The following PPP1R13L variants were observed in gnomAD, a reference collection of about 807,000 sequenced individuals.
The protein encoded by PPP1R13L is relA-associated inhibitor.
A neutral mutation model predicts 80.9 loss-of-function variants in PPP1R13L; 50 were observed. The observed-to-expected ratio is 0.62, with a 90% CI of 0.49 to 0.78. PPP1R13L has a LOEUF of 0.78. PPP1R13L is among the 30% of genes least tolerant of loss of function. The probability of loss-of-function intolerance (pLI) is 0.00; values close to 1 mark genes in which losing one functional copy is unlikely to be tolerated. For missense variants in PPP1R13L, 1,200 were observed against 1,205.9 expected, an observed-to-expected ratio of 1.00 and a Z score of 0.07; for synonymous variants, 602 against 534.3, an observed-to-expected ratio of 1.13 and a Z score of -1.75.
At chr19:45,384,104 G>T (rs1181036604) in intron 11 of PPP1R13L, among the ~76,000 whole-genome samples, 3 of 150,834 alleles carry the variant, frequency 2.0e-5, no homozygotes, top group African/African-American at 7.3e-5. Context: ...TTCAGACAAG[G>T]TCTCACTCTG....
At chr19:45,391,573 C>A (rs142229757) in intron 8 of PPP1R13L, among the ~76,000 whole-genome samples, 1 of 152,340 alleles carries the variant, frequency 6.6e-6, no homozygotes, top group East Asian at 1.9e-4. Context: ...CAGGTTCTGC[C>A]TGAAACAGGA....
rs760022138 is a variant in PPP1R13L at position 45,396,652 on chromosome 19, G to T, written c.605C>A (p.Pro202Gln). 2.0e-6 allele frequency: 3 copies of T among 1,466,622 alleles called. No individual in the cohort carries two copies. The highest frequency in any genetic ancestry group is 5.0e-5 in the Admixed American group (2 of 40,252). 90.9% of individuals were successfully genotyped at this position (1,466,622 alleles called of 1,614,324 possible). A position where few individuals can be genotyped will look rare whatever the true frequency, so the allele number is the denominator to read the frequency against. Residue 202 changes from proline (P) to glutamine (Q), a missense_variant, in exon 4 of 13, where the codon CCG becomes CAG. By Grantham distance (76) the Pro-to-Gln change is moderately conservative (BLOSUM62 -1). Coordinates refer to ENST00000360957, the MANE Select transcript of PPP1R13L (RefSeq NM_006663.4). This position sits in a 1 kb window ranked among gnomAD's most constrained non-coding sequence, Gnocchi z 5.3. The part of the protein sequence containing the change: ...GPQAFFPERG[P>Q]SPRPPATAYD... ...GGCTGTGGCAGGGGGGCGCGGTGAC[G>T]GCCCACGCTCGGGGAAGAAGGCCTG...
At chr19:45,386,319 A>C in intron 8 of PPP1R13L, 139 bp from the exon 9 acceptor site, 1 of 1,112,990 alleles carries the variant, frequency 9.0e-7, no homozygotes, top group Non-Finnish European at 1.2e-6. Context: ...GGATGGGGTG[A>C]GGGGGTGCCT....
chr19:45,395,469 G>A lies in PPP1R13L; in HGVS notation c.1321C>T (p.His441Tyr), dbSNP rs1432699908. 6.6e-7 allele frequency: 1 copy of A among 1,510,394 alleles called. No homozygotes were observed. The highest frequency in any genetic ancestry group is 1.2e-5 in the South Asian group (1 of 82,766). 93.6% of individuals were successfully genotyped at this position (1,510,394 alleles called of 1,614,324 possible). ...ACAGGGGGCCATGTCTGTTGGGGAT[G>A]CTGGGGGGCTGGGGTAGGGGTTTGG... is the stretch of plus-strand genomic sequence containing the variant. ...QPQTPTPAPQ[H>Y]PQQTWPPVNE... The change falls in exon 7 of 13, where the codon CAT becomes TAT. Residue 441 changes from histidine (H) to tyrosine (Y), a missense_variant. His to Tyr is a moderately conservative substitution (Grantham distance 83). Around this residue, in one of 5 missense-constraint regions of PPP1R13L, gnomAD observed 764 missense variants for 714.5 expected, o/e 1.07. Coordinates refer to ENST00000360957, the MANE Select transcript of PPP1R13L (RefSeq NM_006663.4).
chr19:45,395,067 G>A (rs180927219), intron 7 of PPP1R13L: 188 of 203,522 alleles, frequency 9.2e-4, no homozygotes, highest in African/African-American at 4.4e-3. Context: ...GGCTGGTCTC[G>A]AACTTCTGAC....
chr19:45,384,300 C>T lies in PPP1R13L; in HGVS notation c.2248+1262G>A, dbSNP rs551868304. Among the ~76,000 whole-genome samples, 20 of 145,976 alleles carry T rather than the reference C, an allele frequency of 1.4e-4. No individual in the cohort carries two copies. In the South Asian group the frequency reaches 3.0e-3, roughly 22 times the overall value. On this transcript the variant is annotated intron_variant, in intron 11 of 12. Transcript: ENST00000360957. The stretch of plus-strand genomic sequence containing the variant: ...CTTTGGGAGGCCAAGGCAGGCGGAT[C>T]CTCTGAGGTCAGGGGTTTGAGACCA...
chr19:45,400,487 C>T (rs1332072148), intron 1 of PPP1R13L, among the ~76,000 whole-genome samples: 1 of 151,950 alleles, frequency 6.6e-6, no homozygotes, highest in Non-Finnish European at 1.5e-5. Flanking sequence ...AGGAACAGAA[C>T]CTGTTCAGGC....
rs371538363 is a variant in PPP1R13L at position 45,396,904 on chromosome 19, G to T, written c.353C>A (p.Pro118Gln). The T allele has an allele frequency of 2.6e-6, 4 of 1,511,272 alleles. No homozygotes were observed. Among genetic ancestry groups the T allele is most frequent in the Middle Eastern group, 1.7e-4 (1 of 5,720 alleles). The allele number at this position is 1,511,272 out of a possible 1,614,324, so 93.6% of individuals were successfully genotyped here. ...GTAGAGCGGGGTGCGCGGCGACGAC[G>T]GCCGTCCCTTGGGGGACAGCGGGCT... ...PYSPLSPKGR[P>Q]SSPRTPLYLQ... The change falls in exon 4 of 13, where the codon CCG becomes CAG. Residue 118 changes from proline (P) to glutamine (Q), a missense_variant. Around this residue, in one of 5 missense-constraint regions of PPP1R13L, gnomAD observed 764 missense variants for 714.5 expected, o/e 1.07. Transcript: ENST00000360957. The surrounding 1 kb of genome is among the most constrained non-coding windows in gnomAD (Gnocchi z 5.3).
chr19:45,401,790 A>G (rs1973237383), intron 1 of PPP1R13L, among the ~76,000 whole-genome samples: 1 of 139,032 alleles, frequency 7.2e-6, no homozygotes, highest in Non-Finnish European at 1.5e-5. Flanking sequence ...ATGAGTAAGA[A>G]GTCAGACTTC....
At chr19:45,399,487 G>A (rs1197835883) in intron 1 of PPP1R13L, among the ~76,000 whole-genome samples, 1 of 151,236 alleles carries the variant, frequency 6.6e-6, no homozygotes, top group Non-Finnish European at 1.5e-5. Context: ...AGCCAGGCGT[G>A]GTGATGGACG....
rs1972733445 is a variant in PPP1R13L, at chr19:45,380,088, G to A, written c.*102C>T. 7.6e-7 allele frequency: 1 copy of A among 1,317,170 alleles called. No homozygotes were observed. The allele number at this position is 1,317,170 out of a possible 1,614,324, so 81.6% of individuals were successfully genotyped here. ...CGGTGGCAAGGACCACCACCAGCAG[G>A]GTGAGGGGTGCAGATAAAGGCAGCA... On this transcript the variant is annotated 3_prime_UTR_variant, in exon 13 of 13. Coordinates refer to ENST00000360957, the MANE Select transcript of PPP1R13L (RefSeq NM_006663.4).
chr19:45,382,812 G>T, intron 11 of PPP1R13L, 86 bp from the exon 12 acceptor site: 1 of 1,313,976 alleles, frequency 7.6e-7, no homozygotes, highest in Non-Finnish European at 1.1e-6. Flanking sequence ...ACAGACCCTG[G>T]AATTTGGCGC....
intron 7 of PPP1R13L, among the ~76,000 whole-genome samples, chr19:45,394,047 A>G (rs1340289532): frequency 6.6e-6 from 1 of 152,218 alleles, no homozygotes; most frequent in Non-Finnish European, 1.5e-5. Flanking sequence ...GTCACACAGC[A>G]AGTTAGCAGT....
intron 7 of PPP1R13L, chr19:45,392,664 C>A (rs1973001702): frequency 9.2e-6 from 4 of 433,718 alleles, no homozygotes; most frequent in Non-Finnish European, 1.7e-5. Flanking sequence ...GTCAGTTGCC[C>A]AAAGCCATGC....
rs1454344154 is a variant in PPP1R13L at position 45,396,692 on chromosome 19, G to A, written c.565C>T (p.Leu189=). The part of the protein sequence containing the change: ...GRAGSPRGSP[L]AEGPQAFFPE... ...AAGAAGGCCTGGGGCCCCTCCGCCA[G>A]GGGGCTGCCGCGGGGGGAGCCTGCG... is the stretch of plus-strand genomic sequence containing the variant. The change falls in exon 4 of 13, where the codon CTG becomes TTG. Residue 189 remains leucine (L), a synonymous_variant. Coordinates refer to ENST00000360957, the MANE Select transcript of PPP1R13L (RefSeq NM_006663.4). This position sits in a 1 kb window ranked among gnomAD's most constrained non-coding sequence, Gnocchi z 5.3. 5 of 1,416,350 alleles carry A rather than the reference G, an allele frequency of 3.5e-6. No homozygotes were observed. The African/African-American group carries it at 4.5e-5, about 13-fold the overall frequency. The allele number at this position is 1,416,350 out of a possible 1,614,324, so 87.7% of individuals were successfully genotyped here.
In PPP1R13L at chr19:45,405,059, C is replaced by A. The variant is rs530031407; in HGVS notation, c.-82G>T. 1.5e-5 allele frequency: 15 copies of A among 985,786 alleles called. No homozygotes were observed. The highest frequency in any genetic ancestry group is 1.2e-4 in the Admixed American group (2 of 16,256). The allele number at this position is 985,786 out of a possible 1,614,324, so 61.1% of individuals were successfully genotyped here. On this transcript the variant is annotated 5_prime_UTR_variant, in exon 1 of 13. Coordinates refer to ENST00000360957, the MANE Select transcript of PPP1R13L (RefSeq NM_006663.4). ...CCAGCTCGGGCTCCGGCTTGGGGAG[C>A]GGAGAACGGGGCGGGGCAGGAGCTG...
chr19:45,384,030 T>C (rs1214665189), intron 11 of PPP1R13L, among the ~76,000 whole-genome samples: 1 of 151,888 alleles, frequency 6.6e-6, no homozygotes, highest in East Asian at 1.9e-4. Flanking sequence ...CCTCCCAAAG[T>C]GCTAGGATTA....
intron 11 of PPP1R13L, among the ~76,000 whole-genome samples, chr19:45,383,301 T>C (rs1367480746): frequency 8.1e-6 from 1 of 122,916 alleles, no homozygotes; most frequent in South Asian, 2.8e-4. Flanking sequence ...GCCTTTTTTT[T>C]TTTTTTTTTT....
rs576401900 is a variant in PPP1R13L at position 45,384,405 on chromosome 19, C to G, written c.2248+1157G>C. ...AAAAAAGTTAGCGGGCCGTGGGGCC[C>G]TTGCCTGTAATCCCAGTTACTCGGG... On this transcript the variant is annotated intron_variant, in intron 11 of 12. Transcript: ENST00000360957. 1.8e-4 allele frequency among the ~76,000 whole-genome samples: 27 copies of G among 147,188 alleles called. No individual in the cohort carries two copies. The East Asian group carries it at 5.2e-3, about 28-fold the overall frequency.
Sources: allele counts gnomAD v4.1 joint callset (sites outside exome capture counted in the v4.1 genomes callset), GRCh38; gene constraint gnomAD v4.1.1; regional missense constraint gnomAD v4.1.1; non-coding constraint Gnocchi (gnomAD v3.1); transcripts MANE v1.5; gene names NCBI Gene and HGNC (gene_info 2026-07-23, HGNC 2026-07-21).